ZNF385B: variants seen among roughly 807,000 people sequenced by gnomAD.
The protein encoded by ZNF385B is zinc finger protein 385B.
ZNF385B carries 23 observed loss-of-function variants against 39.2 expected under a neutral mutation model. The ratio of observed to expected loss-of-function variants is 0.59; its 90% CI spans 0.42 to 0.83. The LOEUF is 0.83. ZNF385B is among the 40% of genes least tolerant of loss of function. The probability of loss-of-function intolerance (pLI) is 0.00; values close to 1 mark genes in which losing one functional copy is unlikely to be tolerated. For synonymous variants in ZNF385B, 205 were observed against 222.6 expected, an observed-to-expected ratio of 0.92 and a Z score of 0.70; for missense variants, 552 against 598.9, an observed-to-expected ratio of 0.92 and a Z score of 0.82.
intron 3 of ZNF385B, among the ~76,000 whole-genome samples, chr2:179,566,850 G>A (rs2105981318): frequency 6.6e-6 from 1 of 151,918 alleles, no homozygotes; most frequent in East Asian, 1.9e-4. Context: ...TACATTCATT[G>A]GGGAGGGGAA....
chr2:179,469,562 C>T (rs995110472), intron 6 of ZNF385B, among the ~76,000 whole-genome samples: 5 of 152,140 alleles, frequency 3.3e-5, no homozygotes, highest in African/African-American at 4.8e-5. Context: ...GGAAAATCAT[C>T]AGCAAAGCAC....
chr2:179,492,296 A>G (rs2055318912), intron 5 of ZNF385B, among the ~76,000 whole-genome samples: 1 of 152,128 alleles, frequency 6.6e-6, no homozygotes, highest in South Asian at 2.1e-4. Flanking sequence ...GCTTCATAAG[A>G]GCAATTTTTG....
chr2:179,545,404 T>C (rs992074273), intron 3 of ZNF385B, among the ~76,000 whole-genome samples: 17 of 152,106 alleles, frequency 1.1e-4, no homozygotes, highest in Admixed American at 2.0e-4. Flanking sequence ...CAGAGATAAA[T>C]ATAGGGTTTT....
chr2:179,505,319 A>G (rs1413517169), intron 5 of ZNF385B, among the ~76,000 whole-genome samples: 1 of 151,924 alleles, frequency 6.6e-6, no homozygotes, highest in Admixed American at 6.6e-5. Flanking sequence ...AAAAAAAAGG[A>G]GATTGTTAGT....
chr2:179,517,999 A>T (rs2058209346), intron 5 of ZNF385B, among the ~76,000 whole-genome samples: 1 of 152,182 alleles, frequency 6.6e-6, no homozygotes, highest in Non-Finnish European at 1.5e-5. Context: ...GTGGCAATTG[A>T]TATCAAATAG....
At chr2:179,720,064 T>C (rs1022139386) in intron 3 of ZNF385B, among the ~76,000 whole-genome samples, 2 of 152,190 alleles carry the variant, frequency 1.3e-5, no homozygotes, top group Non-Finnish European at 2.9e-5. Context: ...ACAGAGCTAA[T>C]GTTCCAAACT....
intron 3 of ZNF385B, among the ~76,000 whole-genome samples, chr2:179,559,674 T>C (rs1443642416): frequency 6.6e-6 from 1 of 152,166 alleles, no homozygotes; most frequent in Non-Finnish European, 1.5e-5. Context: ...ATTTATAGTG[T>C]ACAATGTGAT....
At chr2:179,733,708 G>C (rs781272904) in intron 3 of ZNF385B, among the ~76,000 whole-genome samples, 6 of 151,562 alleles carry the variant, frequency 4.0e-5, no homozygotes, top group African/African-American at 1.2e-4. Flanking sequence ...GCATGAACCC[G>C]GGAGGCGGAG....
chr2:179,550,032 A>T (rs2060472454), intron 3 of ZNF385B, among the ~76,000 whole-genome samples: 1 of 149,662 alleles, frequency 6.7e-6, no homozygotes, highest in South Asian at 2.1e-4. Flanking sequence ...TAAATATATC[A>T]AATGTTGCAG....
intron 6 of ZNF385B, among the ~76,000 whole-genome samples, chr2:179,467,977 T>C (rs962080685): frequency 1.3e-5 from 2 of 152,218 alleles, no homozygotes; most frequent in Non-Finnish European, 2.9e-5. Context: ...GCTCTTTCCA[T>C]TTGAAAGCCT....
rs1047081308 is a variant in ZNF385B at position 179,481,869 on chromosome 2, G to A, written c.715+1403C>T. Among the ~76,000 whole-genome samples, 6 of 152,104 alleles carry A rather than the reference G, an allele frequency of 3.9e-5. No individual in the cohort carries two copies. In the South Asian group the frequency reaches 1.2e-3, roughly 32 times the overall value. On this transcript the variant is annotated intron_variant, in intron 6 of 9. Transcript: ENST00000410066. ...AACTGCCACATTGTGTACCTCACCA[G>A]TTTGCAATTTTGAAAAATAGAGATA...
At chr2:179,748,257 A>T (rs767353101) in intron 3 of ZNF385B, among the ~76,000 whole-genome samples, 2 of 152,130 alleles carry the variant, frequency 1.3e-5, no homozygotes, top group Non-Finnish European at 2.9e-5. Flanking sequence ...AGAAGAAGCC[A>T]CTTAAAATGA....
intron 3 of ZNF385B, among the ~76,000 whole-genome samples, chr2:179,768,091 A>G (rs1238572189): frequency 6.6e-6 from 1 of 151,740 alleles, no homozygotes; most frequent in African/African-American, 2.4e-5. Context: ...CTGGGATTAC[A>G]GGTGTGTGCC....
intron 8 of ZNF385B, among the ~76,000 whole-genome samples, 186 bp from the exon 9 acceptor site, chr2:179,445,163 C>A (rs967693566): frequency 6.6e-6 from 1 of 152,136 alleles, no homozygotes; most frequent in Non-Finnish European, 1.5e-5. Context: ...CCTCTGTCCC[C>A]CTCCTGTTCT....
At chr2:179,462,058 A>G (rs1431947883) in intron 6 of ZNF385B, among the ~76,000 whole-genome samples, 1 of 152,190 alleles carries the variant, frequency 6.6e-6, no homozygotes, top group East Asian at 1.9e-4. Context: ...TTGTCAACTA[A>G]TACAATGAAT....
At chr2:179,700,601 A>T (rs749191762) in intron 3 of ZNF385B, among the ~76,000 whole-genome samples, 13 of 152,246 alleles carry the variant, frequency 8.5e-5, no homozygotes, top group Non-Finnish European at 1.9e-4. Context: ...GCAAAGAAAG[A>T]CAATTCGTCT....
chr2:179,483,572 T>G, intron 5 of ZNF385B, 138 bp from the exon 6 acceptor site: 1 of 1,146,318 alleles, frequency 8.7e-7, no homozygotes, highest in Non-Finnish European at 1.2e-6. Context: ...TTTTTGGCAC[T>G]TCATGAAATG....
intron 3 of ZNF385B, among the ~76,000 whole-genome samples, chr2:179,627,409 G>A (rs1444615789): frequency 6.6e-6 from 1 of 152,142 alleles, no homozygotes; most frequent in African/African-American, 2.4e-5. Context: ...TTTAATCCTT[G>A]TCTTGATGTA....
intron 3 of ZNF385B, among the ~76,000 whole-genome samples, chr2:179,726,388 A>G (rs1287484830): frequency 6.6e-6 from 1 of 152,014 alleles, no homozygotes; most frequent in Admixed American, 6.6e-5. Context: ...ATATAATTAT[A>G]TAAGTTTGGA....
Sources: gnomAD v4.1 joint callset for allele counts (sites outside exome capture counted in the v4.1 genomes callset) on GRCh38, gnomAD v4.1.1 for gene constraint, MANE v1.5 for transcripts, NCBI Gene and HGNC (gene_info 2026-07-23, HGNC 2026-07-21) for gene names.